Variants in OOSP4B observed in about 807,000 individuals in gnomAD.
The protein encoded by OOSP4B is oocyte-secreted protein 4B.
intron 1 of OOSP4B, among the ~76,000 whole-genome samples, chr11:60,022,515 A>G (rs530330303): frequency 6.6e-6 from 1 of 152,220 alleles, no homozygotes; most frequent in East Asian, 1.9e-4. Flanking sequence ...AGCTGTCCCA[A>G]AAAGCATGTA....
chr11:60,023,635 T>C (rs958822776), intron 1 of OOSP4B, among the ~76,000 whole-genome samples: 2 of 152,164 alleles, frequency 1.3e-5, no homozygotes, highest in Non-Finnish European at 2.9e-5. Context: ...GGTTTCACCA[T>C]GTTGGCCAGG....
At chr11:60,023,843 T>C (rs1039846380) in intron 1 of OOSP4B, 37 bp from the exon 2 acceptor site, 1 of 398,528 alleles carries the variant, frequency 2.5e-6, no homozygotes, top group Non-Finnish European at 4.4e-6. Flanking sequence ...GGAGGAAGTA[T>C]ACTACCATAT....
At chr11:60,025,232 CATCT>C (rs962940938) in intron 3 of OOSP4B, among the ~76,000 whole-genome samples, 118 of 152,276 alleles carry the variant, frequency 7.7e-4, no homozygotes, top group African/African-American at 2.8e-3. Flanking sequence ...ATCATTTCCC[CATCT>C]ATCAATTTTG....
chr11:60,030,707 C>T (rs1854798530), intron 4 of OOSP4B, 95 bp from the exon 5 acceptor site: 3 of 397,082 alleles, frequency 7.6e-6, no homozygotes, highest in Non-Finnish European at 4.4e-6. Flanking sequence ...CACATTACTT[C>T]TAATTGAGCA....
intron 1 of OOSP4B, among the ~76,000 whole-genome samples, chr11:60,018,857 A>G (rs1213831120): frequency 2.6e-5 from 4 of 152,142 alleles, no homozygotes; most frequent in Admixed American, 1.3e-4. Context: ...GAAATTGAGA[A>G]CTAAGTGTAC....
chr11:60,026,367 C>T (rs1854746417), intron 3 of OOSP4B, among the ~76,000 whole-genome samples: 1 of 152,178 alleles, frequency 6.6e-6, no homozygotes, highest in African/African-American at 2.4e-5. Context: ...CCTGTTGATA[C>T]AGTACCATTA....
At chr11:60,025,300 C>T (rs2583464) in intron 3 of OOSP4B, among the ~76,000 whole-genome samples, 20,259 of 152,154 alleles carry the variant, frequency 0.13, 1,487 homozygotes, top group South Asian at 0.27. Context: ...CTTCAGCATG[C>T]GTATCATGAA....
chr11:60,024,035 G>A (rs1854720972), exon 2 of OOSP4B: 1 of 398,434 alleles, frequency 2.5e-6, no homozygotes. Context: ...TTCTTATCCT[G>A]TCACTTCTTG....
chr11:60,017,987 G>C (rs1854643387), intron 1 of OOSP4B, among the ~76,000 whole-genome samples: 1 of 152,114 alleles, frequency 6.6e-6, no homozygotes, highest in African/African-American at 2.4e-5. Flanking sequence ...CATGAACTTG[G>C]GCAAGTTACT....
intron 1 of OOSP4B, among the ~76,000 whole-genome samples, chr11:60,017,775 A>C (rs1854641677): frequency 6.6e-6 from 1 of 152,190 alleles, no homozygotes; most frequent in South Asian, 2.1e-4. Flanking sequence ...ATTTGAAAGA[A>C]CCAGGGAAAG....
intron 1 of OOSP4B, among the ~76,000 whole-genome samples, chr11:60,018,037 C>T (rs1350490800): frequency 6.6e-6 from 1 of 152,096 alleles, no homozygotes; most frequent in Non-Finnish European, 1.5e-5. Flanking sequence ...GAAAAAATTA[C>T]TAGGAATGTA....
exon 1 of OOSP4B, chr11:60,017,296 G>T: frequency 2.5e-6 from 1 of 398,470 alleles, no homozygotes; most frequent in South Asian, 1.3e-4. Flanking sequence ...GGTAATTGCA[G>T]ACAGCTGAAT....
At chr11:60,029,451 G>A (rs1854781840) in intron 3 of OOSP4B, among the ~76,000 whole-genome samples, 1 of 152,182 alleles carries the variant, frequency 6.6e-6, no homozygotes, top group Non-Finnish European at 1.5e-5. Flanking sequence ...CTTGGGATGT[G>A]TGTGTGTGGC....
At chr11:60,023,303 C>T (rs1481972094) in intron 1 of OOSP4B, among the ~76,000 whole-genome samples, 1 of 152,208 alleles carries the variant, frequency 6.6e-6, no homozygotes, top group Non-Finnish European at 1.5e-5. Context: ...ACAAAACACA[C>T]ATCAGTTCCA....
chr11:60,025,319 C>T (rs1306115724), intron 3 of OOSP4B, among the ~76,000 whole-genome samples: 1 of 152,130 alleles, frequency 6.6e-6, no homozygotes, highest in Non-Finnish European at 1.5e-5. Context: ...AATCAAGGAT[C>T]AATAATTTAC....
At chr11:60,026,445 C>T (rs1221970912) in intron 3 of OOSP4B, among the ~76,000 whole-genome samples, 2 of 152,130 alleles carry the variant, frequency 1.3e-5, no homozygotes, top group East Asian at 3.9e-4. Context: ...ACCTTATAAG[C>T]TTGGATTTCT....
intron 1 of OOSP4B, chr11:60,019,446 C>T (rs188964584): frequency 3.3e-4 from 58 of 176,170 alleles, no homozygotes; most frequent in African/African-American, 1.1e-3. Context: ...CGGACCCTCG[C>T]GGTGAGTGTT....
intron 2 of OOSP4B, 128 bp downstream of exon 2, chr11:60,024,189 A>C (rs113427971): frequency 2.5e-6 from 1 of 395,592 alleles, no homozygotes; most frequent in African/African-American, 2.1e-5. Context: ...ATCAATTGTT[A>C]GATAGGACCA....
intron 3 of OOSP4B, among the ~76,000 whole-genome samples, chr11:60,028,196 C>T (rs1182976014): frequency 4.0e-5 from 6 of 151,124 alleles, no homozygotes; most frequent in Admixed American, 1.3e-4. Flanking sequence ...GACGGCGTCT[C>T]ACTCTGTTGC....
Sources: gnomAD v4.1 joint callset for allele counts (sites outside exome capture counted in the v4.1 genomes callset) on GRCh38, gnomAD v4.1.1 for gene constraint, MANE v1.5 for transcripts, NCBI Gene and HGNC (gene_info 2026-07-23, HGNC 2026-07-21) for gene names.